ZNF462: variants seen among roughly 807,000 people sequenced by gnomAD.
ZNF462 encodes the protein zinc finger protein 462.
ZNF462 carries 10 observed loss-of-function variants against 201.9 expected under a neutral mutation model. The observed-to-expected ratio is 0.05, with a 90% confidence interval of 0.03 to 0.08. The LOEUF (loss-of-function observed/expected upper bound fraction) is 0.08. Among genes scored for constraint, ZNF462 ranks in the 10% least tolerant of loss-of-function variants. The pLI is 1.00. For missense variants in ZNF462, 2,523 were observed against 3,168.3 expected (o/e 0.80, Z 4.89); for synonymous variants, 1,227 against 1,193.3 (o/e 1.03, Z -0.58).
rs1279048842 is a variant in ZNF462, at chr9:106,938,581, A to T, written c.6236-335A>T. On this transcript the variant is annotated intron_variant, in intron 6 of 12. Transcript: ENST00000277225. This position sits in a 1 kb window ranked among gnomAD's most constrained non-coding sequence, Gnocchi z 4.4. ...ATGGTCATTTCTAGTGTAGAGAGGG[A>T]GGGAAAGGGATTGGAAATTTTTCTA... is the stretch of plus-strand genomic sequence containing the variant. 6.6e-6 allele frequency among the ~76,000 whole-genome samples: 1 copy of T among 152,114 alleles called. No individual in the cohort carries two copies. Among genetic ancestry groups the T allele is most frequent in the African/African-American group, 2.4e-5 (1 of 41,408 alleles).
rs376215055 is a variant in ZNF462 at position 106,977,094 on chromosome 9, C to A, written c.6832+2821C>A. On this transcript the variant is annotated intron_variant, in intron 9 of 12. Transcript: ENST00000277225. The surrounding 1 kb of genome is among the most constrained non-coding windows in gnomAD (Gnocchi z 4.6). ...CGGATCCACAGGCAGCAGAGTGCCT[C>A]AGGACAGCCATGTATACCATCTGTG... 3.3e-5 allele frequency among the ~76,000 whole-genome samples: 5 copies of A among 152,304 alleles called. No individual in the cohort carries two copies. The highest frequency in any genetic ancestry group is 2.0e-4 in the Admixed American group (3 of 15,302).
chr9:107,009,431 C>T lies in ZNF462; in HGVS notation c.7190-114C>T. The T allele has an allele frequency of 3.6e-6, 5 of 1,404,862 alleles. No homozygotes were observed. In the East Asian group the frequency reaches 1.2e-4, roughly 34 times the overall value. The allele number at this position is 1,404,862 out of a possible 1,614,324, so 87.0% of individuals were successfully genotyped here. On this transcript the variant is annotated intron_variant, in intron 11 of 12. Coordinates refer to ENST00000277225, the MANE Select transcript of ZNF462 (RefSeq NM_021224.6). The surrounding 1 kb of genome is among the most constrained non-coding windows in gnomAD (Gnocchi z 6.1). ...AAGTGAGGAATCTGGAAATTGCTTT[C>T]ACCACATGGCTTTATCAGTGAAGGT...
rs796252876 is a variant in ZNF462 at position 106,971,085 on chromosome 9, A to G, written c.6428-920A>G. On this transcript the variant is annotated intron_variant, in intron 7 of 12. Transcript: ENST00000277225. ...AGCTTTAAACATCCATTCCAGGAGA[A>G]CGCTATTGGATTTTTATATTTTAAA... Among the ~76,000 whole-genome samples the G allele has an allele frequency of 1.2e-4, 19 of 152,242 alleles. 1 individual carries two copies. Among genetic ancestry groups the G allele is most frequent in the African/African-American group, 4.6e-4 (19 of 41,542 alleles).
In ZNF462 at chr9:106,927,204, T is replaced by TCCCCCCCCCCCCCCCCCCCCCCCCCCC; in HGVS notation, c.3296_3297insCCCCCCCCCCCCCCCCCCCCCCCCCCC (p.Pro1102_Gln1103insProProProProProProProProPro). 6.4e-7 allele frequency: 1 copy of TCCCCCCCCCCCCCCCCCCCCCCCCCCC among 1,570,634 alleles called. No individual in the cohort carries two copies. The highest frequency in any genetic ancestry group is 8.7e-7 in the Non-Finnish European group (1 of 1,149,980). Reference sequence around the variant, plus strand: ...GTCTCCCAAAATGTCCAACATGGGTTCCCCACCCCCCCCACAACCCCCGCC... The same window carrying TCCCCCCCCCCCCCCCCCCCCCCCCCCC: ...GTCTCCCAAAATGTCCAACATGGGTTCCCCCCCCCCCCCCCCCCCCCCCCCCCCCCCACCCCCCCCACAACCCCCGCC... On this transcript the variant is annotated inframe_insertion, in exon 3 of 13. Coordinates refer to ENST00000277225, the MANE Select transcript of ZNF462 (RefSeq NM_021224.6).
Position 106,938,988 on chromosome 9 carries a change from T to C in ZNF462, c.6308T>C (p.Leu2103Pro). 6.2e-7 allele frequency: 1 copy of C among 1,613,926 alleles called. No individual in the cohort carries two copies. The highest frequency in any genetic ancestry group is 1.3e-5 in the African/African-American group (1 of 75,010). ...ATCAGCCAGCTGAAGGAACACTCCCTCAAGGTCCACGGAAAAGCCCTGACC... is the reference window on the plus strand; with the variant it reads ...ATCAGCCAGCTGAAGGAACACTCCCCCAAGGTCCACGGAAAAGCCCTGACC... ...MTISQLKEHS[L>P]KVHGKALTLP... The change falls in exon 7 of 13, where the codon CTC becomes CCC. Residue 2103 changes from leucine (L) to proline (P), a missense_variant. This residue lies in a region of ZNF462 where 138 missense variants were observed against 146.3 expected (regional missense o/e 0.94). Transcript: ENST00000277225. This position sits in a 1 kb window ranked among gnomAD's most constrained non-coding sequence, Gnocchi z 4.4.
At chr9:107,002,242 T>C (rs988059924) in intron 10 of ZNF462, among the ~76,000 whole-genome samples, 1 of 152,182 alleles carries the variant, frequency 6.6e-6, no homozygotes, top group Non-Finnish European at 1.5e-5. Context: ...ATCTAATTAA[T>C]GATGTCTGTC....
At chr9:106,908,918 T>C (rs1320040473) in intron 1 of ZNF462, among the ~76,000 whole-genome samples, 11 of 21,252 alleles carry the variant, frequency 5.2e-4, no homozygotes, top group African/African-American at 3.3e-3. Flanking sequence ...TACATATATA[T>C]ATATATATAT....
intron 1 of ZNF462, among the ~76,000 whole-genome samples, 157 bp downstream of exon 1, chr9:106,863,512 A>G (rs933759330): frequency 4.7e-5 from 7 of 148,176 alleles, no homozygotes; most frequent in Non-Finnish European, 1.0e-4. Context: ...TGGCTGTTGG[A>G]AGAGGAGAAG....
In ZNF462 at chr9:107,012,615, G is replaced by T. The variant is rs180708718; in HGVS notation, c.*1585G>T. The T allele has an allele frequency of 2.0e-5, 3 of 151,076 alleles. No homozygotes were observed. The highest frequency in any genetic ancestry group is 7.3e-5 in the African/African-American group (3 of 41,196). 9.4% of individuals were successfully genotyped at this position (151,076 alleles called of 1,614,324 possible). A position where few individuals can be genotyped will look rare whatever the true frequency, so the allele number is the denominator to read the frequency against. ...AGAAAAGAACTTTTCTTGAAGCCTAGGTTTTAGAAGCCCGTGTGTGTGTGT... is the reference window on the plus strand; with the variant it reads ...AGAAAAGAACTTTTCTTGAAGCCTATGTTTTAGAAGCCCGTGTGTGTGTGT... On this transcript the variant is annotated 3_prime_UTR_variant, in exon 13 of 13. Coordinates refer to ENST00000277225, the MANE Select transcript of ZNF462 (RefSeq NM_021224.6).
intron 7 of ZNF462, among the ~76,000 whole-genome samples, chr9:106,939,338 G>T (rs1456439704): frequency 2.0e-5 from 3 of 152,202 alleles, no homozygotes; most frequent in Non-Finnish European, 4.4e-5. Context: ...GCTCATGGGA[G>T]TGTTGCTAGT....
At position 106,920,066 on chromosome 9, in the gene ZNF462, G is replaced by T. The variant is rs1829928046; in HGVS notation, c.-30-3288G>T. On this transcript the variant is annotated intron_variant, in intron 1 of 12. Coordinates refer to ENST00000277225, the MANE Select transcript of ZNF462 (RefSeq NM_021224.6). This position sits in a 1 kb window ranked among gnomAD's most constrained non-coding sequence, Gnocchi z 4.3. ...AACTTAAAATCATAATTTTATAGCAGATCAGTGACTAGGTTAGCCTCTTAG... is the reference window on the plus strand; with the variant it reads ...AACTTAAAATCATAATTTTATAGCATATCAGTGACTAGGTTAGCCTCTTAG... Among the ~76,000 whole-genome samples the T allele has an allele frequency of 6.6e-6, 1 of 151,942 alleles. No individual in the cohort carries two copies. The highest frequency in any genetic ancestry group is 1.5e-5 in the Non-Finnish European group (1 of 68,018).
At chr9:106,956,757 T>C (rs1268822310) in intron 7 of ZNF462, among the ~76,000 whole-genome samples, 1 of 152,200 alleles carries the variant, frequency 6.6e-6, no homozygotes, top group Non-Finnish European at 1.5e-5. Context: ...CTTGCACTTT[T>C]CTGCTTTGAA....
chr9:106,929,941 C>G lies in ZNF462; in HGVS notation c.5847+182C>G, dbSNP rs1357874052. 6.6e-6 allele frequency among the ~76,000 whole-genome samples: 1 copy of G among 152,102 alleles called. No homozygotes were observed. Among genetic ancestry groups the G allele is most frequent in the Admixed American group, 6.5e-5 (1 of 15,280 alleles). On this transcript the variant is annotated intron_variant, in intron 3 of 12. Transcript: ENST00000277225. This position sits in a 1 kb window ranked among gnomAD's most constrained non-coding sequence, Gnocchi z 8.7. Reference sequence around the variant, plus strand: ...CTCCCATTCTGTGCTCACCCCTCTCCTTGGTCCCTTCTCCTCCCTCCTTCC... The same window carrying G: ...CTCCCATTCTGTGCTCACCCCTCTCGTTGGTCCCTTCTCCTCCCTCCTTCC...
intron 9 of ZNF462, among the ~76,000 whole-genome samples, chr9:106,983,864 G>C (rs1168820207): frequency 1.3e-5 from 2 of 152,146 alleles, no homozygotes; most frequent in East Asian, 3.9e-4. Flanking sequence ...AAAAATTGCA[G>C]CTACTTCTAT....
chr9:106,926,790 T>C lies in ZNF462; in HGVS notation c.2878T>C (p.Ser960Pro). 6.2e-7 allele frequency: 1 copy of C among 1,614,198 alleles called. No individual in the cohort carries two copies. The highest frequency in any genetic ancestry group is 8.5e-7 in the Non-Finnish European group (1 of 1,180,042). ...GAAGATCAACAACGCGATGATATTTTCAAGCTATGTCGTGGAGCAGCAGGA... is the reference window on the plus strand; with the variant it reads ...GAAGATCAACAACGCGATGATATTTCCAAGCTATGTCGTGGAGCAGCAGGA... ...TVKINNAMIF[S>P]SYVVEQQEGL... is the part of the protein sequence containing the mutation. Residue 960 changes from serine to proline, a missense_variant, in exon 3 of 13, where the codon TCA becomes CCA. Transcript: ENST00000277225. The surrounding 1 kb of genome is among the most constrained non-coding windows in gnomAD (Gnocchi z 7.9).
rs1318269232 is a variant in ZNF462, at chr9:106,924,667, C to T, written c.755C>T (p.Thr252Ile). The T allele has an allele frequency of 1.2e-6, 2 of 1,614,030 alleles. No homozygotes were observed. The change falls in exon 3 of 13, where the codon ACC (threonine) becomes ATC (isoleucine). Residue 252 changes from threonine (T) to isoleucine (I), a missense_variant. By Grantham distance (89) the Thr-to-Ile change is moderately conservative. Coordinates refer to ENST00000277225, the MANE Select transcript of ZNF462 (RefSeq NM_021224.6). The surrounding 1 kb of genome is among the most constrained non-coding windows in gnomAD (Gnocchi z 6.2). ...TGTTGTGAGTGGTGCAGCTACCAGA[C>T]CCCCCGCCGAGAACGCTGGTGTGAC... Reference protein sequence around the residue: ...NFCCEWCSYQTPRRERWCDHM... With the variant: ...NFCCEWCSYQIPRRERWCDHM...
upstream of ZNF462, among the ~76,000 whole-genome samples, chr9:106,861,275 T>C (rs1827058601): frequency 6.6e-6 from 1 of 152,014 alleles, no homozygotes; most frequent in Admixed American, 6.6e-5. Flanking sequence ...TAGATCTGTT[T>C]ATGAAGCCCC....
intron 7 of ZNF462, among the ~76,000 whole-genome samples, chr9:106,964,512 C>T (rs114907135): frequency 0.022 from 3,347 of 152,096 alleles, 134 homozygotes; most frequent in African/African-American, 0.075. Context: ...TTGTGTAAAC[C>T]ACACTCACCT....
intron 1 of ZNF462, among the ~76,000 whole-genome samples, chr9:106,910,669 G>C (rs138708058): frequency 7.2e-4 from 110 of 152,126 alleles, no homozygotes; most frequent in African/African-American, 2.4e-3. Flanking sequence ...CAGTTTATGG[G>C]TTTGGTGTGG....
Sources: gnomAD v4.1 joint callset for allele counts (sites outside exome capture counted in the v4.1 genomes callset) on GRCh38, gnomAD v4.1.1 for gene constraint, gnomAD v4.1.1 regional missense constraint, Gnocchi (gnomAD v3.1) non-coding constraint, MANE v1.5 for transcripts, NCBI Gene and HGNC (gene_info 2026-07-23, HGNC 2026-07-21) for gene names.